The following STK33 variants were observed in gnomAD, a reference collection of about 807,000 sequenced individuals.
STK33 encodes serine/threonine-protein kinase 33.
In STK33, 52 loss-of-function variants were observed where a neutral mutation model predicts 58.0. The ratio of observed to expected loss-of-function variants is 0.90; its 90% CI spans 0.72 to 1.13. STK33 has a LOEUF of 1.13. Ranked by LOEUF, STK33 falls within the 50% of genes most tolerant of loss-of-function variation. STK33 has a pLI of 0.00. For missense variants in STK33, 630 were observed against 604.2 expected (o/e 1.04, Z -0.45); for synonymous variants, 215 against 200.1 (o/e 1.07, Z -0.63).
intron 1 of STK33, among the ~76,000 whole-genome samples, chr11:8,545,901 T>C (rs1450498230): frequency 2.6e-5 from 4 of 152,080 alleles, no homozygotes. Context: ...CATCATAGAG[T>C]GCGCTTACAC....
At chr11:8,360,003 C>T in the STK33 span, among the ~76,000 whole-genome samples, 4 of 152,234 alleles carry the variant, frequency 2.6e-5, no homozygotes, top group Admixed American at 6.5e-5. Flanking sequence ...GTGCTGTGGT[C>T]CAGGCTGGCT....
intron 2 of STK33, among the ~76,000 whole-genome samples, chr11:8,479,265 T>C (rs1040434215): frequency 1.3e-5 from 2 of 151,820 alleles, no homozygotes; most frequent in African/African-American, 4.8e-5. Flanking sequence ...AAACCCCATC[T>C]CTACTAAAAA....
At chr11:8,430,819 T>C (rs76101152) in intron 14 of STK33, among the ~76,000 whole-genome samples, 8,027 of 152,032 alleles carry the variant, frequency 0.053, 286 homozygotes, top group Non-Finnish European at 0.071. Flanking sequence ...AATTGAATAC[T>C]GAGTAAATCC....
intron 15 of STK33, among the ~76,000 whole-genome samples, chr11:8,397,273 G>T (rs565883051): frequency 6.6e-6 from 1 of 152,192 alleles, no homozygotes; most frequent in South Asian, 2.1e-4. Flanking sequence ...ACTTCCAGAG[G>T]AATGATCAGG....
At chr11:8,420,449 T>G (rs950313993) in intron 14 of STK33, among the ~76,000 whole-genome samples, 7 of 152,182 alleles carry the variant, frequency 4.6e-5, no homozygotes, top group African/African-American at 1.7e-4. Context: ...ATTCCAGAAG[T>G]GCATTTCGAA....
chr11:8,495,339 T>C (rs980225293), intron 1 of STK33, among the ~76,000 whole-genome samples: 3 of 151,912 alleles, frequency 2.0e-5, no homozygotes, highest in African/African-American at 7.3e-5. Flanking sequence ...AACAAACATA[T>C]GAAAAAAAAT....
chr11:8,572,190 T>C (rs1485504655), intron 1 of STK33, among the ~76,000 whole-genome samples: 2 of 152,052 alleles, frequency 1.3e-5, no homozygotes. Flanking sequence ...ACAATTCCTA[T>C]TCCTGCCAGA....
At chr11:8,338,403 T>C in the STK33 span, among the ~76,000 whole-genome samples, 2 of 152,210 alleles carry the variant, frequency 1.3e-5, no homozygotes, top group Non-Finnish European at 2.9e-5. Context: ...ATGGCTTCTA[T>C]GTCCAGGACG....
intron 11 of STK33, among the ~76,000 whole-genome samples, chr11:8,449,420 T>A (rs907380897): frequency 2.6e-5 from 4 of 151,608 alleles, no homozygotes; most frequent in African/African-American, 9.8e-5. Context: ...TAAGAAAATG[T>A]GGCACATATA....
At chr11:8,392,976 G>A (rs1341207996) in intron 15 of STK33, among the ~76,000 whole-genome samples, 1 of 152,216 alleles carries the variant, frequency 6.6e-6, no homozygotes, top group Admixed American at 6.5e-5. Flanking sequence ...GTAAGTAAAT[G>A]TCTGGTAACA....
chr11:8,445,356 T>TTGA (rs1413368965), intron 11 of STK33, among the ~76,000 whole-genome samples: 2 of 152,196 alleles, frequency 1.3e-5, no homozygotes, highest in Middle Eastern at 3.2e-3. Flanking sequence ...CTCTTCCTAT[T>TTGA]TGAATACCCT....
chr11:8,568,392 C>T (rs1246420855), intron 1 of STK33, among the ~76,000 whole-genome samples: 2 of 152,050 alleles, frequency 1.3e-5, no homozygotes, highest in Non-Finnish European at 2.9e-5. Flanking sequence ...GATCATAAAT[C>T]GTGGATAATG....
chr11:8,377,863 C>CA, the STK33 span, among the ~76,000 whole-genome samples: 1 of 151,970 alleles, frequency 6.6e-6, no homozygotes, highest in Non-Finnish European at 1.5e-5. Flanking sequence ...ACAACAGCTG[C>CA]AAAAAATAAA....
At chr11:8,539,740 C>T (rs979163699) in intron 1 of STK33, among the ~76,000 whole-genome samples, 5 of 152,098 alleles carry the variant, frequency 3.3e-5, no homozygotes, top group African/African-American at 1.2e-4. Context: ...ATTTATTTGG[C>T]ATTTAACTAT....
chr11:8,500,094 T>C (rs754412936), intron 1 of STK33, among the ~76,000 whole-genome samples: 7 of 152,074 alleles, frequency 4.6e-5, no homozygotes, highest in Non-Finnish European at 7.4e-5. Flanking sequence ...AGTAACATCA[T>C]ACTTAACGGT....
intron 15 of STK33, among the ~76,000 whole-genome samples, chr11:8,408,040 G>T (rs1320848799): frequency 1.3e-5 from 2 of 151,998 alleles, no homozygotes; most frequent in African/African-American, 2.4e-5. Context: ...AAGGAAAGAA[G>T]AGTATCAGAA....
chr11:8,554,569 T>C (rs1956596677), intron 1 of STK33, among the ~76,000 whole-genome samples: 1 of 152,144 alleles, frequency 6.6e-6, no homozygotes. Context: ...TATCACCTCA[T>C]ACCTGTTAGA....
chr11:8,451,187 T>G (rs926637834), intron 11 of STK33, among the ~76,000 whole-genome samples: 2 of 152,168 alleles, frequency 1.3e-5, no homozygotes, highest in African/African-American at 4.8e-5. Flanking sequence ...AAATTAAACA[T>G]AAACTTAACA....
chr11:8,416,360 C>A (rs1941122681), intron 14 of STK33, among the ~76,000 whole-genome samples: 1 of 152,094 alleles, frequency 6.6e-6, no homozygotes, highest in Non-Finnish European at 1.5e-5. Flanking sequence ...TTTAAAAAGA[C>A]ACTTTAATTC....
Sources: allele counts gnomAD v4.1 joint callset (sites outside exome capture counted in the v4.1 genomes callset), GRCh38; gene constraint gnomAD v4.1.1; transcripts MANE v1.5; gene names NCBI Gene and HGNC (gene_info 2026-07-23, HGNC 2026-07-21).